The following CD58 variants were observed in gnomAD, a reference collection of about 807,000 sequenced individuals.
CD58 encodes lymphocyte function-associated antigen 3.
In CD58, 14 loss-of-function variants were observed where a neutral mutation model predicts 27.6. That is an observed-to-expected ratio of 0.51 (90% CI 0.34 to 0.79). The LOEUF is 0.79. Among genes scored for constraint, CD58 ranks in the 30% least tolerant of loss-of-function variants. The probability of loss-of-function intolerance (pLI) is 0.02; values close to 1 mark genes in which losing one functional copy is unlikely to be tolerated. For synonymous variants in CD58, 117 were observed against 103.8 expected, an observed-to-expected ratio of 1.13 and a Z score of -0.77; for missense variants, 268 against 301.7, an observed-to-expected ratio of 0.89 and a Z score of 0.83.
chr1:116,543,975 C>T (rs1658071961), intron 2 of CD58, among the ~76,000 whole-genome samples: 1 of 152,082 alleles, frequency 6.6e-6, no homozygotes. Flanking sequence ...ACAATCTCCC[C>T]GCTGTGTGGG....
At position 116,541,027 on chromosome 1, in the gene CD58, T is replaced by A. The variant is rs1657973758; in HGVS notation, c.364+3284A>T. 6.6e-6 allele frequency among the ~76,000 whole-genome samples: 1 copy of A among 152,214 alleles called. No individual in the cohort carries two copies. On this transcript the variant is annotated intron_variant, in intron 2 of 5. Coordinates refer to ENST00000369489, the MANE Select transcript of CD58 (RefSeq NM_001779.3). The surrounding 1 kb of genome is among the most constrained non-coding windows in gnomAD (Gnocchi z 5.3). ...TCTTGCTATGTTGCCTAGGATGGTC[T>A]TGAACTACTGGGCTTAAGCAACCCT...
At chr1:116,562,219 A>G (rs886352615) in intron 1 of CD58, among the ~76,000 whole-genome samples, 4 of 152,266 alleles carry the variant, frequency 2.6e-5, no homozygotes, top group Non-Finnish European at 4.4e-5. Flanking sequence ...TGACTTCTGC[A>G]TACAAGGAAC....
rs1486701216 is a variant in CD58 at position 116,515,872 on chromosome 1, T to G, written c.744-1050A>C. Among the ~76,000 whole-genome samples, 2 of 152,168 alleles carry G rather than the reference T, an allele frequency of 1.3e-5. No individual in the cohort carries two copies. Among genetic ancestry groups the G allele is most frequent in the Admixed American group, 6.5e-5 (1 of 15,276 alleles). On this transcript the variant is annotated intron_variant, in intron 5 of 5. Transcript: ENST00000369489. The surrounding 1 kb of genome is among the most constrained non-coding windows in gnomAD (Gnocchi z 4.6). ...TGTGGCGTGGCCATTTCCCGTCAGA[T>G]GTCTGCTATCTACTCATCTGTCCTC... is the stretch of plus-strand genomic sequence containing the variant.
At chr1:116,543,323 A>C (rs150560044) in intron 2 of CD58, among the ~76,000 whole-genome samples, 91 of 152,156 alleles carry the variant, frequency 6.0e-4, no homozygotes, top group African/African-American at 1.9e-3. Flanking sequence ...GAGACACCTG[A>C]CATTGAGGTA....
At chr1:116,560,250 T>C (rs910336247) in intron 1 of CD58, 9 of 152,214 alleles carry the variant, frequency 5.9e-5, no homozygotes, top group African/African-American at 1.7e-4. Flanking sequence ...ATCCCACCTT[T>C]CTCAAAGGCC....
rs1657503608 is a variant in CD58, at chr1:116,528,787, A to G, written c.629-6804T>C. 6.6e-6 allele frequency among the ~76,000 whole-genome samples: 1 copy of G among 152,202 alleles called. No homozygotes were observed. Among genetic ancestry groups the G allele is most frequent in the African/African-American group, 2.4e-5 (1 of 41,446 alleles). ...ATTTTCCTCTTTCACAGCCAAATAT[A>G]TAACTGGCCTATTGGACTACCCCTC... On this transcript the variant is annotated intron_variant, in intron 3 of 5. Coordinates refer to ENST00000369489, the MANE Select transcript of CD58 (RefSeq NM_001779.3). This position sits in a 1 kb window ranked among gnomAD's most constrained non-coding sequence, Gnocchi z 4.4.
At position 116,519,294 on chromosome 1, in the gene CD58, A is replaced by G; in HGVS notation, c.707-27T>C. ...TAAAAATGAAGAAATTGTCTTCTCA[A>G]TTAAAGAACTGAAAAGAAAAGGTGA... On this transcript the variant is annotated intron_variant, in intron 4 of 5. Coordinates refer to ENST00000369489, the MANE Select transcript of CD58 (RefSeq NM_001779.3). This position sits in a 1 kb window ranked among gnomAD's most constrained non-coding sequence, Gnocchi z 4.7. 6.2e-7 allele frequency: 1 copy of G among 1,601,336 alleles called. No homozygotes were observed. The highest frequency in any genetic ancestry group is 1.1e-5 in the South Asian group (1 of 89,808).
rs982322779 is a variant in CD58 at position 116,528,874 on chromosome 1, A to G, written c.629-6891T>C. On this transcript the variant is annotated intron_variant, in intron 3 of 5. Transcript: ENST00000369489. This position sits in a 1 kb window ranked among gnomAD's most constrained non-coding sequence, Gnocchi z 4.4. ...CATCTATTCACAAGGTCTGTCAACA[A>G]TGACCTCCTAAGTGCCAAATCCACA... 2.0e-5 allele frequency among the ~76,000 whole-genome samples: 3 copies of G among 152,190 alleles called. No individual in the cohort carries two copies. Among genetic ancestry groups the G allele is most frequent in the Admixed American group, 1.3e-4 (2 of 15,282 alleles).
intron 2 of CD58, among the ~76,000 whole-genome samples, chr1:116,543,796 C>G (rs1433783503): frequency 2.0e-5 from 3 of 152,196 alleles, no homozygotes; most frequent in African/African-American, 7.2e-5. Flanking sequence ...GTGGTGCGGG[C>G]CTGTAGTCCC....
At position 116,563,005 on chromosome 1, in the gene CD58, G is replaced by C. The variant is rs1658806986; in HGVS notation, c.70+7898C>G. On this transcript the variant is annotated intron_variant, in intron 1 of 5. Transcript: ENST00000369489. The surrounding 1 kb of genome is among the most constrained non-coding windows in gnomAD (Gnocchi z 4.1). Reference sequence around the variant, plus strand: ...CAAAGTCTCATCGGAGATAAGGCAAGTACCTTCCACCTATGAGCCTGTAAA... The same window carrying C: ...CAAAGTCTCATCGGAGATAAGGCAACTACCTTCCACCTATGAGCCTGTAAA... Among the ~76,000 whole-genome samples the C allele has an allele frequency of 6.6e-6, 1 of 152,138 alleles. No homozygotes were observed. Among genetic ancestry groups the C allele is most frequent in the African/African-American group, 2.4e-5 (1 of 41,432 alleles).
Position 116,544,299 on chromosome 1 carries a change from T to A in CD58, c.364+12A>T. 2 of 1,575,326 alleles carry A rather than the reference T, an allele frequency of 1.3e-6. No individual in the cohort carries two copies. Among genetic ancestry groups the A allele is most frequent in the Non-Finnish European group, 1.7e-6 (2 of 1,161,878 alleles). ...TTGCCATTTTAAACAAATCAACTTA[T>A]GGAATACTCACCAAGCACATAAAGA... On this transcript the variant is annotated intron_variant, in intron 2 of 5. Transcript: ENST00000369489.
In CD58 at chr1:116,531,659, T is replaced by C. The variant is rs1481294365; in HGVS notation, c.628+4306A>G. ...TGTGACTTGTACAAACAGTGCTCCTTTGAGTGACACCTCTGTGGGTTTGAT... is the reference window on the plus strand; with the variant it reads ...TGTGACTTGTACAAACAGTGCTCCTCTGAGTGACACCTCTGTGGGTTTGAT... On this transcript the variant is annotated intron_variant, in intron 3 of 5. Transcript: ENST00000369489. This position sits in a 1 kb window ranked among gnomAD's most constrained non-coding sequence, Gnocchi z 4.5. Among the ~76,000 whole-genome samples, 2 of 152,262 alleles carry C rather than the reference T, an allele frequency of 1.3e-5. No individual in the cohort carries two copies. Among genetic ancestry groups the C allele is most frequent in the Non-Finnish European group, 2.9e-5 (2 of 68,042 alleles).
intron 1 of CD58, among the ~76,000 whole-genome samples, chr1:116,569,027 A>G (rs1286566978): frequency 6.6e-6 from 1 of 152,230 alleles, no homozygotes; most frequent in African/African-American, 2.4e-5. Context: ...GAATACATGA[A>G]TTAGGTGAGA....
chr1:116,531,213 G>A lies in CD58; in HGVS notation c.628+4752C>T, dbSNP rs976346023. On this transcript the variant is annotated intron_variant, in intron 3 of 5. Transcript: ENST00000369489. This position sits in a 1 kb window ranked among gnomAD's most constrained non-coding sequence, Gnocchi z 4.5. Reference sequence around the variant, plus strand: ...TTACTTTGTGTCTTCAAATTCTAATGGCAAACATAAAGTTAAACATAAAGT... The same window carrying A: ...TTACTTTGTGTCTTCAAATTCTAATAGCAAACATAAAGTTAAACATAAAGT... Among the ~76,000 whole-genome samples, 1 of 152,048 alleles carries A rather than the reference G, an allele frequency of 6.6e-6. No homozygotes were observed. The highest frequency in any genetic ancestry group is 2.4e-5 in the African/African-American group (1 of 41,386).
Position 116,550,588 on chromosome 1 carries a change from T to G in CD58, c.71-5984A>C, listed in dbSNP as rs1658358081. Among the ~76,000 whole-genome samples the G allele has an allele frequency of 6.6e-6, 1 of 152,178 alleles. No individual in the cohort carries two copies. The highest frequency in any genetic ancestry group is 1.5e-5 in the Non-Finnish European group (1 of 68,034). On this transcript the variant is annotated intron_variant, in intron 1 of 5. Transcript: ENST00000369489. This position sits in a 1 kb window ranked among gnomAD's most constrained non-coding sequence, Gnocchi z 4.2. The stretch of plus-strand genomic sequence containing the variant: ...GAATCAAATTCTTCCAAACTCCTGT[T>G]AATATTGATATTTTGACCTGACGAT...
Position 116,527,206 on chromosome 1 carries a change from T to C in CD58, c.629-5223A>G, listed in dbSNP as rs895638649. The stretch of plus-strand genomic sequence containing the variant: ...TTATGGCATTAGTTAGTGCTTATAG[T>C]ACAATACTGAAAAGGAGTGGTGAGA... On this transcript the variant is annotated intron_variant, in intron 3 of 5. Coordinates refer to ENST00000369489, the MANE Select transcript of CD58 (RefSeq NM_001779.3). The surrounding 1 kb of genome is among the most constrained non-coding windows in gnomAD (Gnocchi z 4.4). Among the ~76,000 whole-genome samples the C allele has an allele frequency of 1.4e-4, 21 of 152,242 alleles. No individual in the cohort carries two copies. Among genetic ancestry groups the C allele is most frequent in the Non-Finnish European group, 2.9e-4 (20 of 68,030 alleles).
intron 1 of CD58, among the ~76,000 whole-genome samples, chr1:116,561,724 A>G (rs1658759314): frequency 6.6e-6 from 1 of 152,198 alleles, no homozygotes; most frequent in African/African-American, 2.4e-5. Flanking sequence ...ATATAAAGGA[A>G]TAGGTTCTGA....
chr1:116,530,395 C>T (rs1014990673), intron 3 of CD58, among the ~76,000 whole-genome samples: 13 of 151,998 alleles, frequency 8.6e-5, no homozygotes, highest in East Asian at 1.9e-4. Flanking sequence ...TTAGTACAGA[C>T]GGGGTTTCAC....
Position 116,522,015 on chromosome 1 carries a change from A to C in CD58, c.629-32T>G. 1 of 1,196,720 alleles carries C rather than the reference A, an allele frequency of 8.4e-7. No individual in the cohort carries two copies. Among genetic ancestry groups the C allele is most frequent in the East Asian group, 2.4e-5 (1 of 42,094 alleles). The allele number at this position is 1,196,720 out of a possible 1,614,324, so 74.1% of individuals were successfully genotyped here. ...AAAAGAAAAGAAAAGAAATTCAACT[A>C]GTTGAACTGATCAAAATGGATCCTC... On this transcript the variant is annotated intron_variant, in intron 3 of 5. Coordinates refer to ENST00000369489, the MANE Select transcript of CD58 (RefSeq NM_001779.3). This position sits in a 1 kb window ranked among gnomAD's most constrained non-coding sequence, Gnocchi z 4.6.
Sources: gnomAD v4.1 joint callset for allele counts (sites outside exome capture counted in the v4.1 genomes callset) on GRCh38, gnomAD v4.1.1 for gene constraint, Gnocchi (gnomAD v3.1) non-coding constraint, MANE v1.5 for transcripts, NCBI Gene and HGNC (gene_info 2026-07-23, HGNC 2026-07-21) for gene names.